FILIP1: variants seen among roughly 807,000 people sequenced by gnomAD.
The protein encoded by FILIP1 is filamin-A-interacting protein 1.
A neutral mutation model predicts 102.1 loss-of-function variants in FILIP1; 61 were observed. The ratio of observed to expected loss-of-function variants is 0.60; its 90% CI spans 0.49 to 0.74. FILIP1 has a LOEUF of 0.74. FILIP1 is among the 30% of genes least tolerant of loss of function. The probability of loss-of-function intolerance (pLI) is 0.00; values close to 1 mark genes in which losing one functional copy is unlikely to be tolerated. For synonymous variants in FILIP1, 491 were observed against 526.9 expected (o/e 0.93, Z 0.93); for missense variants, 1,314 against 1,441.2 (o/e 0.91, Z 1.43).
chr6:75,348,440 T>C lies in FILIP1; in HGVS notation c.629+5099A>G, dbSNP rs1307284749. On this transcript the variant is annotated intron_variant, in intron 4 of 5. Coordinates refer to ENST00000237172, the MANE Select transcript of FILIP1 (RefSeq NM_015687.5). ...ATTTTAAAATGGTGTTTTCTCTTTTTAATTTGGGACTATAACTATTTGTAA... is the reference window on the plus strand; with the variant it reads ...ATTTTAAAATGGTGTTTTCTCTTTTCAATTTGGGACTATAACTATTTGTAA... 3.3e-5 allele frequency among the ~76,000 whole-genome samples: 5 copies of C among 152,258 alleles called. No individual in the cohort carries two copies. The East Asian group carries it at 7.7e-4, about 23-fold the overall frequency.
intron 1 of FILIP1, among the ~76,000 whole-genome samples, chr6:75,425,260 TA>T (rs2149700834): frequency 6.6e-6 from 1 of 152,326 alleles, no homozygotes; most frequent in East Asian, 1.9e-4. Flanking sequence ...GCAATCAGCA[TA>T]AACTTAGTTG....
At chr6:75,466,012 C>A (rs912610116) in intron 1 of FILIP1, among the ~76,000 whole-genome samples, 19 of 152,156 alleles carry the variant, frequency 1.2e-4, no homozygotes, top group Admixed American at 3.3e-4. Context: ...GCTTAAGGCC[C>A]ACCCAGGTTA....
intron 2 of FILIP1, among the ~76,000 whole-genome samples, chr6:75,389,994 C>A (rs1776229426): frequency 6.6e-6 from 1 of 151,866 alleles, no homozygotes; most frequent in Admixed American, 6.6e-5. Flanking sequence ...TCATCCAAAG[C>A]TTAAAACAAA....
chr6:75,292,443 A>G (rs745774909), exon 7 of FILIP1: 4 of 152,232 alleles, frequency 2.6e-5, no homozygotes, highest in Non-Finnish European at 5.9e-5. Flanking sequence ...AAATGTGTGG[A>G]TCTACAGCAT....
At chr6:75,319,410 G>T in intron 4 of FILIP1, 1 of 621,144 alleles carries the variant, frequency 1.6e-6, no homozygotes, top group African/African-American at 1.8e-5. Flanking sequence ...CTTCTTTTTT[G>T]TCTCCCCTTT....
At chr6:75,461,010 A>G (rs1471855409) in intron 1 of FILIP1, among the ~76,000 whole-genome samples, 1 of 152,160 alleles carries the variant, frequency 6.6e-6, no homozygotes, top group East Asian at 1.9e-4. Context: ...TTTATTGTTT[A>G]CTATAATAAC....
intron 2 of FILIP1, among the ~76,000 whole-genome samples, chr6:75,401,588 T>A (rs1187562641): frequency 6.6e-6 from 1 of 152,186 alleles, no homozygotes; most frequent in African/African-American, 2.4e-5. Context: ...CTCAGTCTTA[T>A]TAGCTACATT....
At chr6:75,443,200 G>T (rs1007113109) in intron 1 of FILIP1, among the ~76,000 whole-genome samples, 9 of 151,992 alleles carry the variant, frequency 5.9e-5, no homozygotes, top group Non-Finnish European at 1.3e-4. Context: ...TTTTTCTTTA[G>T]AAATTTTATT....
intron 2 of FILIP1, among the ~76,000 whole-genome samples, chr6:75,387,394 G>A (rs1776136629): frequency 6.6e-6 from 1 of 152,068 alleles, no homozygotes; most frequent in Non-Finnish European, 1.5e-5. Flanking sequence ...ATAATCCTTT[G>A]GGTATACACC....
intron 2 of FILIP1, among the ~76,000 whole-genome samples, chr6:75,397,647 A>C (rs1443743817): frequency 6.6e-6 from 1 of 151,768 alleles, no homozygotes; most frequent in Non-Finnish European, 1.5e-5. Context: ...CTCAGGGCAG[A>C]CCCATTTAAA....
chr6:75,397,596 AT>A (rs1301960198), intron 2 of FILIP1, among the ~76,000 whole-genome samples: 1 of 151,038 alleles, frequency 6.6e-6, no homozygotes, highest in Non-Finnish European at 1.5e-5. Context: ...ATATATATAT[AT>A]ATATATAATT....
intron 2 of FILIP1, among the ~76,000 whole-genome samples, chr6:75,386,650 T>C (rs1230398787): frequency 6.6e-6 from 1 of 152,146 alleles, no homozygotes; most frequent in South Asian, 2.1e-4. Flanking sequence ...TCCTGAGGTG[T>C]CTGGGCGTTG....
intron 2 of FILIP1, among the ~76,000 whole-genome samples, chr6:75,366,999 G>T (rs1775361192): frequency 2.0e-5 from 3 of 152,066 alleles, no homozygotes; most frequent in Admixed American, 1.3e-4. Flanking sequence ...CTGTAAGCAG[G>T]TATCTATTTC....
intron 1 of FILIP1, among the ~76,000 whole-genome samples, chr6:75,479,805 G>A (rs1472243499): frequency 7.3e-6 from 1 of 137,546 alleles, no homozygotes; most frequent in Non-Finnish European, 1.5e-5. Context: ...GGAGGCAGAG[G>A]TTGCAGTGAG....
At chr6:75,322,517 A>T (rs1773697230) in intron 4 of FILIP1, among the ~76,000 whole-genome samples, 1 of 152,220 alleles carries the variant, frequency 6.6e-6, no homozygotes, top group Non-Finnish European at 1.5e-5. Flanking sequence ...TCACAGGTAG[A>T]GCCCTAAGTA....
chr6:75,414,012 C>T (rs773803936), intron 2 of FILIP1, among the ~76,000 whole-genome samples: 7 of 150,364 alleles, frequency 4.7e-5, no homozygotes, highest in Admixed American at 4.0e-4. Flanking sequence ...TCCGGACAAA[C>T]CTTCAATCCT....
chr6:75,471,158 T>TAAAAAAAAAAAAAAAAAAA (rs1779314254), intron 1 of FILIP1, among the ~76,000 whole-genome samples: 1 of 22,280 alleles, frequency 4.5e-5, no homozygotes. Context: ...AGACCTTGTC[T>TAAAAAAAAAAAAAAAAAAA]CAAAAAAAAA....
chr6:75,441,582 C>T (rs867539816), intron 1 of FILIP1, among the ~76,000 whole-genome samples: 27 of 150,940 alleles, frequency 1.8e-4, no homozygotes, highest in Non-Finnish European at 3.7e-4. Context: ...CCTCTCCTCC[C>T]GGACGGGGCG....
chr6:75,298,072 G>C (rs1357325878), intron 6 of FILIP1, among the ~76,000 whole-genome samples: 1 of 152,170 alleles, frequency 6.6e-6, no homozygotes, highest in African/African-American at 2.4e-5. Flanking sequence ...ACTTAGAGTT[G>C]CCTTGTCTTA....
Sources: allele counts gnomAD v4.1 joint callset (sites outside exome capture counted in the v4.1 genomes callset), GRCh38; gene constraint gnomAD v4.1.1; transcripts MANE v1.5; gene names NCBI Gene and HGNC (gene_info 2026-07-23, HGNC 2026-07-21).